The following FREM2 variants were observed in gnomAD, a reference collection of about 807,000 sequenced individuals.
The protein encoded by FREM2 is FRAS1 related extracellular matrix 2.
FREM2 carries 119 observed loss-of-function variants against 219.9 expected under a neutral mutation model. That is an observed-to-expected ratio of 0.54 (90% CI 0.47 to 0.63). The LOEUF (loss-of-function observed/expected upper bound fraction) is 0.63, where lower values mean the gene tolerates loss of function less well. Ranked by LOEUF, FREM2 falls within the 30% of genes least tolerant of loss-of-function variation. The pLI is 0.00. For missense variants in FREM2, 4,030 were observed against 3,993.6 expected (o/e 1.01, Z -0.25); for synonymous variants, 1,562 against 1,522.8 (o/e 1.03, Z -0.60).
intron 16 of FREM2, among the ~76,000 whole-genome samples, chr13:38,872,211 T>C (rs1198302459): frequency 6.6e-6 from 1 of 152,194 alleles, no homozygotes; most frequent in Non-Finnish European, 1.5e-5. Context: ...AAAACACATT[T>C]TGTATGATTC....
chr13:38,718,263 A>G (rs1249131714), intron 2 of FREM2, among the ~76,000 whole-genome samples: 1 of 152,162 alleles, frequency 6.6e-6, no homozygotes, highest in Non-Finnish European at 1.5e-5. Flanking sequence ...AGAAGTCTGT[A>G]TGTTTAAGAG....
chr13:38,756,654 A>G (rs959487063), intron 2 of FREM2, among the ~76,000 whole-genome samples: 1 of 151,370 alleles, frequency 6.6e-6, no homozygotes, highest in Non-Finnish European at 1.5e-5. Flanking sequence ...CAGTCTCCCA[A>G]GTAGGTGAGA....
intron 2 of FREM2, among the ~76,000 whole-genome samples, chr13:38,703,678 T>C (rs1305184956): frequency 6.6e-6 from 1 of 152,198 alleles, no homozygotes; most frequent in East Asian, 1.9e-4. Context: ...TTATACCTTT[T>C]AGATAGAAAA....
At chr13:38,833,598 T>C (rs925247225) in intron 6 of FREM2, among the ~76,000 whole-genome samples, 5 of 152,166 alleles carry the variant, frequency 3.3e-5, no homozygotes, top group African/African-American at 4.8e-5. Context: ...AGGTTCAACA[T>C]TGAATGGAAA....
intron 1 of FREM2, among the ~76,000 whole-genome samples, chr13:38,695,478 T>A (rs552048580): frequency 2.3e-4 from 35 of 152,338 alleles, no homozygotes; most frequent in African/African-American, 7.9e-4. Context: ...AGGATTTATT[T>A]CAATGAAACT....
rs765560306 is a variant in FREM2, at chr13:38,692,280, A to T, written c.4936A>T (p.Ile1646Phe). ...AACAAGGAGACCCCAAGTGATGAAGATCCAGGTCTTGGCTGTTGACAACAG... is the reference window on the plus strand; with the variant it reads ...AACAAGGAGACCCCAAGTGATGAAGTTCCAGGTCTTGGCTGTTGACAACAG... The part of the protein sequence containing the change: ...FETRRPQVMK[I>F]QVLAVDNSVP... The change falls in exon 1 of 24, where the codon ATC (isoleucine) becomes TTC (phenylalanine). Residue 1646 changes from isoleucine (I) to phenylalanine (F), a missense_variant. Transcript: ENST00000280481. 7.4e-6 allele frequency: 12 copies of T among 1,613,674 alleles called. No homozygotes were observed. The highest frequency in any genetic ancestry group is 1.7e-5 in the Admixed American group (1 of 59,970).
rs74464505 is a variant in FREM2, at chr13:38,871,068, G to A, written c.7984-1674G>A. Among the ~76,000 whole-genome samples, 1,297 of 152,164 alleles carry A rather than the reference G, an allele frequency of 8.5e-3. 18 individuals are homozygous for A. The highest frequency in any genetic ancestry group is 0.029 in the African/African-American group (1,193 of 41,530). On this transcript the variant is annotated intron_variant, in intron 16 of 23. Transcript: ENST00000280481. The stretch of plus-strand genomic sequence containing the variant: ...ATTGCTCAATGAGGTAATAACAGCC[G>A]CCCATAGAAACTACTGTCTCAAAGG...
intron 17 of FREM2, among the ~76,000 whole-genome samples, chr13:38,873,430 A>T (rs1303134261): frequency 1.3e-5 from 2 of 152,166 alleles, no homozygotes; most frequent in Non-Finnish European, 1.5e-5. Context: ...CCTTTCTGGG[A>T]CTTAACTTTT....
chr13:38,848,612 C>G lies in FREM2; in HGVS notation c.6321C>G (p.Asn2107Lys), dbSNP rs753876582. 1 of 1,613,872 alleles carries G rather than the reference C, an allele frequency of 6.2e-7. No individual in the cohort carries two copies. Among genetic ancestry groups the G allele is most frequent in the South Asian group, 1.1e-5 (1 of 91,082 alleles). The change falls in exon 8 of 24, where the codon AAC (asparagine) becomes AAG (lysine). Residue 2107 changes from asparagine (N) to lysine (K), a missense_variant. Asn to Lys is a moderately conservative substitution (Grantham distance 94, BLOSUM62 0). Transcript: ENST00000280481. ...KFELVLRMPM[N>K]AALGEPSKAT... ...AACTGGTGCTTCGCATGCCTATGAA[C>G]GCAGCCCTTGGCGAGCCCAGCAAAG...
intron 6 of FREM2, chr13:38,827,381 T>C (rs762834476): frequency 6.6e-6 from 1 of 152,130 alleles, no homozygotes; most frequent in Non-Finnish European, 1.5e-5. Context: ...TTACATTAAC[T>C]ATGATGTTAA....
At chr13:38,831,831 G>C (rs1397356148) in intron 6 of FREM2, among the ~76,000 whole-genome samples, 1 of 151,460 alleles carries the variant, frequency 6.6e-6, no homozygotes, top group African/African-American at 2.4e-5. Flanking sequence ...TGTTGGCCAG[G>C]CTGATCTCGA....
rs71917471 is a variant in FREM2, at chr13:38,747,395, A to ATGTGTGTGTG, written c.5264-16885_5264-16876dup. 3.1e-3 allele frequency among the ~76,000 whole-genome samples: 448 copies of ATGTGTGTGTG among 142,984 alleles called. 3 individuals carry two copies. Among genetic ancestry groups the ATGTGTGTGTG allele is most frequent in the East Asian group, 7.4e-3 (35 of 4,716 alleles). The allele number at this position is 142,984 out of a possible 152,430, so 93.8% of individuals were successfully genotyped here. On this transcript the variant is annotated intron_variant, in intron 2 of 23. Coordinates refer to ENST00000280481, the MANE Select transcript of FREM2 (RefSeq NM_207361.6). Reference sequence around the variant, plus strand: ...CTTGAGGGCATAAAGCTGATATAATATGTGTGTGTGTGTGTGTGTGTGTGT... The same window carrying ATGTGTGTGTG: ...CTTGAGGGCATAAAGCTGATATAATATGTGTGTGTGTGTGTGTGTGTGTGTGTGTGTGTGT...
intron 6 of FREM2, among the ~76,000 whole-genome samples, chr13:38,789,608 A>G (rs1874478196): frequency 6.6e-6 from 1 of 150,610 alleles, no homozygotes; most frequent in South Asian, 2.1e-4. Context: ...TTTATTTTCT[A>G]TTTCATTAAT....
At chr13:38,705,460 G>A in intron 2 of FREM2, among the ~76,000 whole-genome samples, 1 of 152,192 alleles carries the variant, frequency 6.6e-6, no homozygotes, top group East Asian at 1.9e-4. Context: ...CAGGAAGCCA[G>A]CCTTTTGATC....
intron 1 of FREM2, among the ~76,000 whole-genome samples, chr13:38,695,863 C>T (rs948022228): frequency 5.3e-5 from 8 of 152,062 alleles, no homozygotes; most frequent in East Asian, 1.9e-4. Flanking sequence ...GAAACATTTG[C>T]GCCTTTGCTA....
Position 38,687,088 on chromosome 13 carries a change from G to T in FREM2, c.-257G>T, listed in dbSNP as rs927564051. 23 of 583,378 alleles carry T rather than the reference G, an allele frequency of 3.9e-5. No individual in the cohort carries two copies. Among genetic ancestry groups the T allele is most frequent in the Admixed American group, 9.0e-5 (3 of 33,338 alleles). 36.1% of individuals were successfully genotyped at this position (583,378 alleles called of 1,614,324 possible). A position where few individuals can be genotyped will look rare whatever the true frequency, so the allele number is the denominator to read the frequency against. Reference sequence around the variant, plus strand: ...GGGACCTGGAAAGTAGAAGTGGAGGGATTCAATTCTCCGCGCGATTGAGGC... The same window carrying T: ...GGGACCTGGAAAGTAGAAGTGGAGGTATTCAATTCTCCGCGCGATTGAGGC... On this transcript the variant is annotated 5_prime_UTR_variant, in exon 1 of 24. Transcript: ENST00000280481.
intron 6 of FREM2, among the ~76,000 whole-genome samples, chr13:38,794,199 A>G (rs1874678229): frequency 1.3e-5 from 2 of 152,192 alleles, no homozygotes; most frequent in South Asian, 4.1e-4. Context: ...GATTTACACT[A>G]ATTCTCATTT....
chr13:38,834,722 T>C (rs1367116921), intron 6 of FREM2, among the ~76,000 whole-genome samples: 2 of 152,258 alleles, frequency 1.3e-5, no homozygotes, highest in East Asian at 3.8e-4. Context: ...TTTTTTCATA[T>C]GTTTGTTGGC....
In FREM2 at chr13:38,879,023, C is replaced by T. The variant is rs764298161; in HGVS notation, c.9006+46C>T. The stretch of plus-strand genomic sequence containing the variant: ...TTTGTAGTAGTTGTGTACCCACATG[C>T]AAGTTATGGAACATTTATATGCCTC... On this transcript the variant is annotated intron_variant, in intron 23 of 23. Transcript: ENST00000280481. 1.6e-5 allele frequency: 25 copies of T among 1,574,260 alleles called. 2 individuals carry two copies. In the South Asian group the frequency reaches 2.7e-4, roughly 17 times the overall value.
Sources: gnomAD v4.1 joint callset for allele counts (sites outside exome capture counted in the v4.1 genomes callset) on GRCh38, gnomAD v4.1.1 for gene constraint, MANE v1.5 for transcripts, NCBI Gene and HGNC (gene_info 2026-07-23, HGNC 2026-07-21) for gene names.